The following ANKMY1 variants were observed in gnomAD, a reference collection of about 807,000 sequenced individuals.
ANKMY1 encodes the protein ankyrin repeat and MYND domain containing 1, also known as ankyrin repeat and MYND domain-containing protein 1.
In ANKMY1, 98 loss-of-function variants were observed where a neutral mutation model predicts 102.0. That is an observed-to-expected ratio of 0.96 (90% CI 0.82 to 1.14). The LOEUF is 1.14. Ranked by LOEUF, ANKMY1 falls within the 50% of genes most tolerant of loss-of-function variation. The probability of loss-of-function intolerance (pLI) is 0.00; values close to 1 mark genes in which losing one functional copy is unlikely to be tolerated. For synonymous variants in ANKMY1, 582 were observed against 559.9 expected (o/e 1.04, Z -0.56); for missense variants, 1,330 against 1,347.6 (o/e 0.99, Z 0.20).
chr2:240,505,940 A>G (rs2078995470), intron 13 of ANKMY1, among the ~76,000 whole-genome samples: 1 of 152,178 alleles, frequency 6.6e-6, no homozygotes, highest in Non-Finnish European at 1.5e-5. Context: ...AGGTTTAAAA[A>G]AAGGAGCCCT....
chr2:240,480,267 G>GGGGGCA (rs1302295562), intron 17 of ANKMY1, among the ~76,000 whole-genome samples: 26 of 152,334 alleles, frequency 1.7e-4, no homozygotes, highest in South Asian at 1.0e-3. Flanking sequence ...ACAGGCCTAA[G>GGGGGCA]GGGGCAGGGG....
At chr2:240,472,157 G>A in the ANKMY1 span, among the ~76,000 whole-genome samples, 1 of 148,726 alleles carries the variant, frequency 6.7e-6, no homozygotes, top group Middle Eastern at 3.4e-3. Flanking sequence ...CACAGTCCTG[G>A]AGCGGTCCTG....
intron 15 of ANKMY1, among the ~76,000 whole-genome samples, chr2:240,498,497 T>C (rs1221102614): frequency 4.6e-5 from 1 of 21,672 alleles, no homozygotes; most frequent in Non-Finnish European, 9.3e-5. Context: ...CTGAGGGGGG[T>C]GTGCGGGCAG....
At chr2:240,518,158 A>C (rs1057039911) in intron 9 of ANKMY1, among the ~76,000 whole-genome samples, 4 of 152,132 alleles carry the variant, frequency 2.6e-5, no homozygotes, top group African/African-American at 9.7e-5. Flanking sequence ...GGTTTCTTTT[A>C]AATAAACATA....
rs201141473 is a variant in ANKMY1 at position 240,529,428 on chromosome 2, G to A, written c.562C>T (p.Arg188Ter). Residue 188 changes from arginine to a stop codon, truncating the protein, a stop_gained, in exon 5 of 18, where the codon CGA becomes TGA. Transcript: ENST00000401804. LOFTEE classifies it high-confidence loss of function. The surrounding 1 kb of genome is among the most constrained non-coding windows in gnomAD (Gnocchi z 4.2). ...DGSQDVGLWF[R>*]EQLIKLCTQI... ...GTGCACAGCTTGATGAGCTGCTCTC[G>A]GAACCACAGCCCCACGTCCTGGCTG... The A allele has an allele frequency of 1.5e-5, 25 of 1,614,094 alleles. No homozygotes were observed. The East Asian group carries it at 1.6e-4, about 10-fold the overall frequency.
Position 240,529,488 on chromosome 2 carries a change from G to T in ANKMY1, c.502C>A (p.Arg168=), listed in dbSNP as rs777542459. 14 of 1,613,128 alleles carry T rather than the reference G, an allele frequency of 8.7e-6. No homozygotes were observed. In the South Asian group the frequency reaches 1.3e-4, roughly 15 times the overall value. ...LFQGLYKADQ[R]FGPGVETYPD... ...TAGGTCTCGACACCTGGCCCAAACCGCTGGTCCGCTTTGTATAGCCCCTGC... is the reference window on the plus strand; with the variant it reads ...TAGGTCTCGACACCTGGCCCAAACCTCTGGTCCGCTTTGTATAGCCCCTGC... The change falls in exon 5 of 18, where the codon CGG becomes AGG. Residue 168 remains arginine, a synonymous_variant. Transcript: ENST00000401804. The surrounding 1 kb of genome is among the most constrained non-coding windows in gnomAD (Gnocchi z 4.2).
At chr2:240,485,694 A>G (rs2075975212) in intron 15 of ANKMY1, among the ~76,000 whole-genome samples, 1 of 151,674 alleles carries the variant, frequency 6.6e-6, no homozygotes. Context: ...GGCTCCAGTG[A>G]TCCTCCCACC....
At chr2:240,483,122 T>C (rs1373570803) in intron 15 of ANKMY1, among the ~76,000 whole-genome samples, 1 of 151,974 alleles carries the variant, frequency 6.6e-6, no homozygotes, top group East Asian at 2.0e-4. Context: ...CCCATGTTAG[T>C]TTTTCATCCT....
At chr2:240,484,520 AC>A (rs979024150) in intron 15 of ANKMY1, among the ~76,000 whole-genome samples, 17 of 152,178 alleles carry the variant, frequency 1.1e-4, no homozygotes, top group African/African-American at 3.9e-4. Flanking sequence ...CTGAAACTGG[AC>A]CCCTTCTTTA....
intron 6 of ANKMY1, 186 bp downstream of exon 6, chr2:240,526,043 C>T (rs1279346292): frequency 2.1e-6 from 2 of 968,650 alleles, no homozygotes; most frequent in African/African-American, 3.2e-5. Context: ...CCCTTCTGCA[C>T]TGGACCACGA....
At chr2:240,524,677 A>G (rs894413168) in intron 7 of ANKMY1, among the ~76,000 whole-genome samples, 24 of 152,270 alleles carry the variant, frequency 1.6e-4, no homozygotes, top group Non-Finnish European at 7.3e-5. Flanking sequence ...AGTGAAGGAG[A>G]GGTTGGAAAA....
intron 15 of ANKMY1, among the ~76,000 whole-genome samples, chr2:240,497,928 C>T (rs926382400): frequency 3.3e-5 from 5 of 152,150 alleles, no homozygotes; most frequent in Non-Finnish European, 5.9e-5. Flanking sequence ...CATGGGTCTT[C>T]GCAACTTGCC....
chr2:240,495,377 G>C (rs1486072365), intron 15 of ANKMY1, among the ~76,000 whole-genome samples: 1 of 149,554 alleles, frequency 6.7e-6, no homozygotes, highest in African/African-American at 2.4e-5. Flanking sequence ...CTGTGATGCT[G>C]TGCTTCAGTG....
intron 13 of ANKMY1, among the ~76,000 whole-genome samples, chr2:240,501,213 C>T (rs941633248): frequency 5.4e-5 from 8 of 149,110 alleles, no homozygotes; most frequent in South Asian, 2.1e-4. Flanking sequence ...TGCGTGCATG[C>T]GTGTCTGTGC....
intron 15 of ANKMY1, among the ~76,000 whole-genome samples, chr2:240,487,803 G>A (rs2076224382): frequency 6.6e-6 from 1 of 151,964 alleles, no homozygotes; most frequent in Non-Finnish European, 1.5e-5. Flanking sequence ...GTCAATTCAT[G>A]TCATTTACCC....
chr2:240,535,182 T>C (rs2086422155), intron 4 of ANKMY1, among the ~76,000 whole-genome samples: 1 of 152,218 alleles, frequency 6.6e-6, no homozygotes, highest in Non-Finnish European at 1.5e-5. Flanking sequence ...GGGTACAGCT[T>C]GGTTTTATAT....
intron 13 of ANKMY1, 62 bp downstream of exon 13, chr2:240,507,498 C>G (rs1194709629): frequency 5.2e-5 from 79 of 1,530,498 alleles, no homozygotes; most frequent in Non-Finnish European, 6.8e-5. Context: ...ACCCCTCACT[C>G]AGGGCCACCC....
chr2:240,500,401 T>C, intron 14 of ANKMY1, 51 bp downstream of exon 14: 1 of 1,549,628 alleles, frequency 6.5e-7, no homozygotes. Context: ...CCGGGGGCCC[T>C]GCACGTGACC....
chr2:240,545,616 A>G (rs1406475702), intron 4 of ANKMY1, among the ~76,000 whole-genome samples: 1 of 152,038 alleles, frequency 6.6e-6, no homozygotes, highest in Admixed American at 6.5e-5. Context: ...CTTTGAAAAA[A>G]CTTTAGAAGA....
Sources: gnomAD v4.1 joint callset for allele counts (sites outside exome capture counted in the v4.1 genomes callset) on GRCh38, gnomAD v4.1.1 for gene constraint, Gnocchi (gnomAD v3.1) non-coding constraint, MANE v1.5 for transcripts, NCBI Gene and HGNC (gene_info 2026-07-23, HGNC 2026-07-21) for gene names.